Variants in PDK1 observed in about 807,000 individuals in gnomAD.
PDK1 encodes the protein [Pyruvate dehydrogenase (acetyl-transferring)] kinase isozyme 1, mitochondrial.
Under a neutral mutation model 54.2 loss-of-function variants are expected in PDK1, and 39 were observed. That is an observed-to-expected ratio of 0.72 (90% CI 0.56 to 0.94). The LOEUF (loss-of-function observed/expected upper bound fraction) is 0.94, where lower values mean the gene tolerates loss of function less well. Ranked by LOEUF, PDK1 falls within the 40% of genes least tolerant of loss-of-function variation. The pLI is 0.00. For missense variants in PDK1, 552 were observed against 566.0 expected, an observed-to-expected ratio of 0.98 and a Z score of 0.25; for synonymous variants, 221 against 207.1, an observed-to-expected ratio of 1.07 and a Z score of -0.58.
the PDK1 span, among the ~76,000 whole-genome samples, chr2:172,658,741 A>G: frequency 6.6e-6 from 1 of 152,134 alleles, no homozygotes; most frequent in Non-Finnish European, 1.5e-5. Flanking sequence ...AGTCAAGATA[A>G]GGACTGAAAT....
chr2:172,556,912 A>C (rs1490652475), intron 1 of PDK1, among the ~76,000 whole-genome samples: 1 of 152,248 alleles, frequency 6.6e-6, no homozygotes. Context: ...TGAGGACAAG[A>C]TGCTGTGAAG....
chr2:172,590,155 G>A (rs1690489556), intron 9 of PDK1, among the ~76,000 whole-genome samples: 1 of 152,180 alleles, frequency 6.6e-6, no homozygotes, highest in African/African-American at 2.4e-5. Context: ...CTCAGAATGT[G>A]GCTGGAAATT....
At chr2:172,712,829 G>T in the PDK1 span, among the ~76,000 whole-genome samples, 2 of 152,230 alleles carry the variant, frequency 1.3e-5, no homozygotes, top group African/African-American at 2.4e-5. Context: ...TTCAGTCCCA[G>T]CATTCAGCAG....
the PDK1 span, among the ~76,000 whole-genome samples, chr2:172,680,702 C>T: frequency 1.3e-5 from 2 of 152,054 alleles, no homozygotes; most frequent in African/African-American, 2.4e-5. Flanking sequence ...AGGAACCTGT[C>T]TGGAAACAAT....
chr2:172,680,048 A>G, the PDK1 span, among the ~76,000 whole-genome samples: 3 of 152,346 alleles, frequency 2.0e-5, no homozygotes, highest in South Asian at 6.2e-4. Context: ...GAGAAAACTT[A>G]TATCAGGTCC....
the PDK1 span, among the ~76,000 whole-genome samples, chr2:172,713,510 C>T: frequency 6.6e-6 from 1 of 152,214 alleles, no homozygotes; most frequent in Non-Finnish European, 1.5e-5. Flanking sequence ...CTTGTTGGTG[C>T]CCAAAGTCTG....
chr2:172,661,336 A>C, the PDK1 span, among the ~76,000 whole-genome samples: 3 of 152,242 alleles, frequency 2.0e-5, no homozygotes, highest in Non-Finnish European at 4.4e-5. Context: ...TAAAAATTAT[A>C]TATTGAAAAC....
the PDK1 span, among the ~76,000 whole-genome samples, chr2:172,648,477 G>T: frequency 6.6e-6 from 1 of 152,138 alleles, no homozygotes; most frequent in Admixed American, 6.5e-5. Context: ...TGAGGTACTG[G>T]GTTCATCTCA....
At chr2:172,711,250 C>T in the PDK1 span, among the ~76,000 whole-genome samples, 1 of 152,200 alleles carries the variant, frequency 6.6e-6, no homozygotes, top group Non-Finnish European at 1.5e-5. Context: ...CATAGTGTGT[C>T]AGTGTGTTTC....
chr2:172,653,005 A>G, the PDK1 span, among the ~76,000 whole-genome samples: 1 of 152,220 alleles, frequency 6.6e-6, no homozygotes, highest in Non-Finnish European at 1.5e-5. Flanking sequence ...AAGAGCCCAC[A>G]TTGCCAAGAC....
At chr2:172,714,736 A>G in the PDK1 span, among the ~76,000 whole-genome samples, 1 of 152,150 alleles carries the variant, frequency 6.6e-6, no homozygotes, top group South Asian at 2.1e-4. Flanking sequence ...ACTTATTGCT[A>G]GAATGTGACT....
the PDK1 span, among the ~76,000 whole-genome samples, chr2:172,684,416 C>A: frequency 9.8e-4 from 149 of 152,028 alleles, no homozygotes; most frequent in African/African-American, 3.5e-3. Context: ...AGTGAGACCC[C>A]ATCTCAAAAT....
chr2:172,563,231 G>A (rs904666825), intron 3 of PDK1, among the ~76,000 whole-genome samples: 1 of 152,052 alleles, frequency 6.6e-6, no homozygotes, highest in Admixed American at 6.6e-5. Flanking sequence ...CAGAGCTGTG[G>A]AAAATAAGTA....
At chr2:172,715,636 G>A in the PDK1 span, among the ~76,000 whole-genome samples, 861 of 152,288 alleles carry the variant, frequency 5.7e-3, 14 homozygotes, top group African/African-American at 0.02. Flanking sequence ...AATGGACAGT[G>A]AACAGCCGGT....
the PDK1 span, among the ~76,000 whole-genome samples, chr2:172,722,401 C>T: frequency 6.6e-6 from 1 of 152,332 alleles, no homozygotes; most frequent in South Asian, 2.1e-4. Flanking sequence ...TGAGATTTTA[C>T]CAAGCTTGCC....
the PDK1 span, among the ~76,000 whole-genome samples, chr2:172,711,600 T>TA: frequency 6.6e-6 from 1 of 152,104 alleles, no homozygotes; most frequent in Non-Finnish European, 1.5e-5. Context: ...TACAGTGGCT[T>TA]ACACCTGTAA....
At chr2:172,657,341 T>G in the PDK1 span, among the ~76,000 whole-genome samples, 1 of 151,270 alleles carries the variant, frequency 6.6e-6, no homozygotes, top group East Asian at 1.9e-4. Flanking sequence ...AATTGTTGAT[T>G]TTTGGTTTGT....
the PDK1 span, among the ~76,000 whole-genome samples, chr2:172,720,412 G>A: frequency 6.6e-6 from 1 of 152,120 alleles, no homozygotes; most frequent in Non-Finnish European, 1.5e-5. Context: ...ACTGCACCTG[G>A]CTGAGATTTT....
chr2:172,658,623 A>G, the PDK1 span, among the ~76,000 whole-genome samples: 5 of 152,174 alleles, frequency 3.3e-5, no homozygotes, highest in Non-Finnish European at 7.3e-5. Context: ...AGTAGGAGAG[A>G]TATCACTAAA....
Sources: gnomAD v4.1 joint callset for allele counts (sites outside exome capture counted in the v4.1 genomes callset) on GRCh38, gnomAD v4.1.1 for gene constraint, MANE v1.5 for transcripts, NCBI Gene and HGNC (gene_info 2026-07-23, HGNC 2026-07-21) for gene names.